FOXN3: variants seen among roughly 807,000 people sequenced by gnomAD.
FOXN3 encodes forkhead box N3, also known as forkhead box protein N3.
FOXN3 carries 7 observed loss-of-function variants against 38.4 expected under a neutral mutation model. The observed-to-expected ratio is 0.18, with a 90% CI of 0.10 to 0.34. FOXN3 has a LOEUF of 0.34. Ranked by LOEUF, FOXN3 falls within the 10% of genes least tolerant of loss-of-function variation. FOXN3 has a pLI of 1.00. For missense variants in FOXN3, 456 were observed against 613.4 expected (o/e 0.74, Z 2.71); for synonymous variants, 230 against 242.2 (o/e 0.95, Z 0.47).
chr14:89,574,030 C>G lies in FOXN3; in HGVS notation c.-15+44998G>C, dbSNP rs556237651. ...TGAGCAACACAGCAAGACCCCATCT[C>G]CAAAAATAAAATAAAGTAAAAAGAA... On this transcript the variant is annotated intron_variant, in intron 1 of 6. Transcript: ENST00000345097. Among the ~76,000 whole-genome samples the G allele has an allele frequency of 4.6e-5, 7 of 152,116 alleles. No homozygotes were observed. The East Asian group carries it at 9.7e-4, about 21-fold the overall frequency.
chr14:89,470,028 C>A lies in FOXN3; in HGVS notation c.-14-57538G>T, dbSNP rs538058685. ...CTGTCCACCTCCCACCCAAGCACAC[C>A]AGAACCAAGCTGATCATCATAACAC... is the stretch of plus-strand genomic sequence containing the variant. On this transcript the variant is annotated intron_variant, in intron 1 of 6. Coordinates refer to the FOXN3 transcript ENST00000345097. Among the ~76,000 whole-genome samples the A allele has an allele frequency of 4.6e-5, 7 of 152,320 alleles. No individual in the cohort carries two copies. The South Asian group carries it at 1.4e-3, about 32-fold the overall frequency.
intron 1 of FOXN3, among the ~76,000 whole-genome samples, chr14:89,564,233 C>T (rs765224106): frequency 2.0e-5 from 3 of 151,830 alleles, no homozygotes. Context: ...ACTAAATATA[C>T]AATAAATAAT....
intron 1 of FOXN3, among the ~76,000 whole-genome samples, chr14:89,427,066 T>G (rs1295982390): frequency 6.6e-6 from 1 of 150,950 alleles, no homozygotes; most frequent in African/African-American, 2.4e-5. Flanking sequence ...ACTCTGTTAC[T>G]AAAAATACAA....
At chr14:89,345,180 G>A (rs567771746) in intron 3 of FOXN3, among the ~76,000 whole-genome samples, 9 of 152,198 alleles carry the variant, frequency 5.9e-5, no homozygotes, top group South Asian at 4.1e-4. Context: ...GAGACCCCTC[G>A]TGTGGCTCAG....
At chr14:89,474,122 G>A (rs1286949273) in intron 1 of FOXN3, among the ~76,000 whole-genome samples, 1 of 152,156 alleles carries the variant, frequency 6.6e-6, no homozygotes, top group East Asian at 1.9e-4. Context: ...CTCATCTTAG[G>A]TCAGATTTAC....
At chr14:89,527,048 GGGGAGGAGAGGAGGAGGAAGGGGAA>G (rs1401914296) in intron 1 of FOXN3, among the ~76,000 whole-genome samples, 1 of 151,376 alleles carries the variant, frequency 6.6e-6, no homozygotes, top group African/African-American at 2.4e-5. Context: ...AGGATAGGGA[GGGGAGGAGAGGAGGAGGAAGGGGAA>G]GGGAGGAGAG....
At chr14:89,237,576 T>C (rs1289719447) in intron 4 of FOXN3, among the ~76,000 whole-genome samples, 2 of 152,230 alleles carry the variant, frequency 1.3e-5, no homozygotes, top group African/African-American at 4.8e-5. Flanking sequence ...TTTTGCAAGA[T>C]GTTACCGCTG....
At chr14:89,454,888 C>A (rs1440776424) in intron 1 of FOXN3, among the ~76,000 whole-genome samples, 1 of 152,128 alleles carries the variant, frequency 6.6e-6, no homozygotes, top group African/African-American at 2.4e-5. Context: ...CTTATCTCAC[C>A]CTGGAGAAGG....
intron 3 of FOXN3, among the ~76,000 whole-genome samples, chr14:89,336,514 A>G (rs1040578347): frequency 5.9e-5 from 9 of 152,236 alleles, no homozygotes; most frequent in Non-Finnish European, 1.2e-4. Flanking sequence ...TACCTTGAGA[A>G]GAACTCAGGC....
chr14:89,328,892 G>T (rs771784323), intron 3 of FOXN3, among the ~76,000 whole-genome samples: 1 of 152,094 alleles, frequency 6.6e-6, no homozygotes, highest in Non-Finnish European at 1.5e-5. Flanking sequence ...GATATAAGAC[G>T]TGCAATGAAA....
chr14:89,545,259 G>T (rs949927787), intron 1 of FOXN3, among the ~76,000 whole-genome samples: 8 of 152,210 alleles, frequency 5.3e-5, no homozygotes, highest in Non-Finnish European at 8.8e-5. Context: ...GCACATACTG[G>T]CATGGACAGG....
intron 4 of FOXN3, among the ~76,000 whole-genome samples, chr14:89,188,468 G>A (rs924187525): frequency 2.0e-5 from 3 of 152,184 alleles, no homozygotes; most frequent in Non-Finnish European, 4.4e-5. Flanking sequence ...CAGCAGGCCT[G>A]CTTCACCAGA....
chr14:89,313,968 G>A (rs993167519), intron 3 of FOXN3, among the ~76,000 whole-genome samples: 1 of 152,124 alleles, frequency 6.6e-6, no homozygotes, highest in Non-Finnish European at 1.5e-5. Context: ...AATGGTGGTT[G>A]CCCAGAGCTG....
At chr14:89,259,205 C>A (rs941095357) in intron 4 of FOXN3, among the ~76,000 whole-genome samples, 2 of 152,174 alleles carry the variant, frequency 1.3e-5, no homozygotes, top group Non-Finnish European at 2.9e-5. Flanking sequence ...CAGGAAACTG[C>A]CTTTGAAACC....
chr14:89,281,158 C>T, intron 3 of FOXN3, 144 bp from the exon 4 acceptor site: 1 of 683,298 alleles, frequency 1.5e-6, no homozygotes, highest in Non-Finnish European at 2.6e-6. Flanking sequence ...ACCATGAGGT[C>T]TGCTTTATTG....
At chr14:89,172,862 A>C (rs188588448) in intron 5 of FOXN3, among the ~76,000 whole-genome samples, 313 of 152,340 alleles carry the variant, frequency 2.1e-3, no homozygotes, top group Non-Finnish European at 2.4e-3. Context: ...AGAGACTCAA[A>C]TAATAAGACT....
At chr14:89,335,462 C>T (rs1888421832) in intron 3 of FOXN3, among the ~76,000 whole-genome samples, 1 of 152,234 alleles carries the variant, frequency 6.6e-6, no homozygotes, top group African/African-American at 2.4e-5. Context: ...CAGTGCTCAT[C>T]ATTCCTACGA....
intron 2 of FOXN3, among the ~76,000 whole-genome samples, chr14:89,381,048 A>G (rs538547696): frequency 4.0e-5 from 6 of 150,510 alleles, no homozygotes; most frequent in Non-Finnish European, 8.9e-5. Context: ...AGGCTGAGGC[A>G]CGAGAATCAC....
At chr14:89,384,561 T>TA (rs371051025) in intron 2 of FOXN3, among the ~76,000 whole-genome samples, 6 of 152,016 alleles carry the variant, frequency 3.9e-5, no homozygotes, top group African/African-American at 1.2e-4. Flanking sequence ...TAATCTAGAT[T>TA]AAAAAAAACT....
Sources: gnomAD v4.1 joint callset for allele counts (sites outside exome capture counted in the v4.1 genomes callset) on GRCh38, gnomAD v4.1.1 for gene constraint, MANE v1.5 for transcripts, NCBI Gene and HGNC (gene_info 2026-07-23, HGNC 2026-07-21) for gene names.